Variants in RABGAP1L observed in about 807,000 individuals in gnomAD.
RABGAP1L encodes rab GTPase-activating protein 1-like.
Under a neutral mutation model 137.7 loss-of-function variants are expected in RABGAP1L, and 63 were observed. The observed-to-expected ratio is 0.46, with a 90% CI of 0.37 to 0.56. The LOEUF is 0.56. Ranked by LOEUF, RABGAP1L falls within the 20% of genes least tolerant of loss-of-function variation. The pLI, the probability that RABGAP1L is intolerant of heterozygous loss-of-function variation, is 0.00. For synonymous variants in RABGAP1L, 431 were observed against 433.7 expected, an observed-to-expected ratio of 0.99 and a Z score of 0.08; for missense variants, 1,095 against 1,244.0, an observed-to-expected ratio of 0.88 and a Z score of 1.80.
chr1:174,784,127 C>G (rs1687270883), intron 18 of RABGAP1L, among the ~76,000 whole-genome samples: 1 of 145,018 alleles, frequency 6.9e-6, no homozygotes. Flanking sequence ...TCAGGCCATT[C>G]TCCCGCCTCA....
chr1:174,440,630 C>T (rs555908986), intron 13 of RABGAP1L, among the ~76,000 whole-genome samples: 15 of 152,058 alleles, frequency 9.9e-5, no homozygotes, highest in East Asian at 5.8e-4. Context: ...CTGGAGTGCA[C>T]GGTGGCGTGA....
At chr1:174,284,139 A>T (rs1316141621) in intron 10 of RABGAP1L, among the ~76,000 whole-genome samples, 1 of 152,190 alleles carries the variant, frequency 6.6e-6, no homozygotes, top group Admixed American at 6.5e-5. Flanking sequence ...AAGATCTACT[A>T]CTGTCTTAGC....
At chr1:174,376,499 A>G (rs1471872538) in intron 12 of RABGAP1L, among the ~76,000 whole-genome samples, 1 of 152,210 alleles carries the variant, frequency 6.6e-6, no homozygotes, top group Non-Finnish European at 1.5e-5. Context: ...TTGCATGACT[A>G]CGTGGGACGT....
chr1:174,313,148 T>C (rs6425278), intron 11 of RABGAP1L, among the ~76,000 whole-genome samples: 44,441 of 152,062 alleles, frequency 0.29, 7,276 homozygotes, highest in African/African-American at 0.43. Context: ...AGGATGGTCT[T>C]GATCTGACCT....
intron 19 of RABGAP1L, among the ~76,000 whole-genome samples, chr1:174,946,638 C>T (rs1278595885): frequency 6.6e-6 from 1 of 151,934 alleles, no homozygotes; most frequent in East Asian, 1.9e-4. Context: ...CTGTGGCTCA[C>T]GCCTGTCATC....
At chr1:174,918,022 C>T (rs1429967981) in intron 19 of RABGAP1L, among the ~76,000 whole-genome samples, 1 of 151,436 alleles carries the variant, frequency 6.6e-6, no homozygotes, top group Non-Finnish European at 1.5e-5. Flanking sequence ...TTGTCTGTAA[C>T]CAGAAATACA....
chr1:174,622,675 A>G (rs1005975844), intron 13 of RABGAP1L, among the ~76,000 whole-genome samples: 4 of 152,154 alleles, frequency 2.6e-5, no homozygotes, highest in African/African-American at 7.2e-5. Context: ...GGACACAGGA[A>G]GGGGAACATC....
rs116164208 is a variant in RABGAP1L, at chr1:174,413,366, G to A, written c.1710+19221G>A. ...TCTTATTTCCTGGCTTGCTTTAGAC[G>A]TTTGTGTCGATTTTCAACCTTGTCT... On this transcript the variant is annotated intron_variant, in intron 13 of 25. Transcript: ENST00000681986. Among the ~76,000 whole-genome samples, 1,449 of 152,142 alleles carry A rather than the reference G, an allele frequency of 9.5e-3. 24 individuals are homozygous for A. The highest frequency in any genetic ancestry group is 0.033 in the African/African-American group (1,390 of 41,506).
At chr1:174,482,295 A>C (rs1659181111) in intron 13 of RABGAP1L, among the ~76,000 whole-genome samples, 1 of 152,266 alleles carries the variant, frequency 6.6e-6, no homozygotes, top group Admixed American at 6.5e-5. Flanking sequence ...TTGTAAAATA[A>C]ATACTAAAAA....
chr1:174,725,517 A>G (rs569451680), intron 17 of RABGAP1L, among the ~76,000 whole-genome samples: 20 of 152,338 alleles, frequency 1.3e-4, no homozygotes, highest in African/African-American at 4.8e-4. Context: ...TAGTGGAATT[A>G]TAAACTGAAA....
intron 8 of RABGAP1L, among the ~76,000 whole-genome samples, 198 bp downstream of exon 8, chr1:174,272,678 C>A (rs559770134): frequency 6.6e-6 from 1 of 152,062 alleles, no homozygotes; most frequent in East Asian, 1.9e-4. Flanking sequence ...CCAAAACAGT[C>A]ATATGCAACA....
chr1:174,672,665 A>G (rs1235273624), intron 14 of RABGAP1L, among the ~76,000 whole-genome samples: 2 of 151,386 alleles, frequency 1.3e-5, no homozygotes, highest in South Asian at 2.1e-4. Flanking sequence ...TTTCATTTTC[A>G]TTTTTCTCAA....
At chr1:174,603,412 A>G (rs1670557398) in intron 13 of RABGAP1L, among the ~76,000 whole-genome samples, 1 of 152,146 alleles carries the variant, frequency 6.6e-6, no homozygotes, top group African/African-American at 2.4e-5. Flanking sequence ...ACCCGAATCC[A>G]GCACAGTACT....
intron 10 of RABGAP1L, among the ~76,000 whole-genome samples, chr1:174,284,898 T>C (rs574675750): frequency 6.6e-6 from 1 of 152,214 alleles, no homozygotes; most frequent in East Asian, 1.9e-4. Context: ...TCACATTGAA[T>C]CTATAGATTT....
In RABGAP1L at chr1:174,612,868, T is replaced by C. The variant is rs1671399687; in HGVS notation, c.1711-24507T>C. 2.0e-5 allele frequency among the ~76,000 whole-genome samples: 3 copies of C among 152,144 alleles called. No homozygotes were observed. The South Asian group carries it at 6.2e-4, about 32-fold the overall frequency. ...TAGAGGTATTTGTAGTATTCTCTGA[T>C]GGTAGTTTGTATTTCTGTGGGATCG... On this transcript the variant is annotated intron_variant, in intron 13 of 25. Transcript: ENST00000681986.
chr1:174,523,255 A>G, intron 13 of RABGAP1L, among the ~76,000 whole-genome samples: 1 of 152,220 alleles, frequency 6.6e-6, no homozygotes, highest in Admixed American at 6.5e-5. Context: ...TGTCCGTTCT[A>G]CTGGCCTTCC....
At chr1:174,239,699 C>T (rs1014406157) in intron 4 of RABGAP1L, among the ~76,000 whole-genome samples, 2 of 152,136 alleles carry the variant, frequency 1.3e-5, no homozygotes, top group African/African-American at 4.8e-5. Flanking sequence ...GCTGTAGCTT[C>T]AGTGGCTAGG....
At chr1:174,313,415 A>G (rs931965413) in intron 11 of RABGAP1L, among the ~76,000 whole-genome samples, 3 of 152,176 alleles carry the variant, frequency 2.0e-5, no homozygotes, top group African/African-American at 7.2e-5. Context: ...GCAAAAAAGG[A>G]TAATTTGACT....
chr1:174,426,396 A>T (rs891531923), intron 13 of RABGAP1L, among the ~76,000 whole-genome samples: 2 of 152,122 alleles, frequency 1.3e-5, no homozygotes, highest in African/African-American at 4.8e-5. Context: ...GTCAACAAGT[A>T]TAAAAACATA....
Sources: allele counts gnomAD v4.1 joint callset (sites outside exome capture counted in the v4.1 genomes callset), GRCh38; gene constraint gnomAD v4.1.1; transcripts MANE v1.5; gene names NCBI Gene and HGNC (gene_info 2026-07-23, HGNC 2026-07-21).